ABCA5: variants seen among roughly 807,000 people sequenced by gnomAD.
The protein encoded by ABCA5 is ATP binding cassette subfamily A member 5.
Under a neutral mutation model 206.0 loss-of-function variants are expected in ABCA5, and 163 were observed. The observed-to-expected ratio is 0.79, with a 90% CI of 0.70 to 0.90. The LOEUF is 0.90. Among genes scored for constraint, ABCA5 ranks in the 40% least tolerant of loss-of-function variants. ABCA5 has a pLI of 0.00. For missense variants in ABCA5, 1,859 were observed against 1,912.9 expected (o/e 0.97, Z 0.53); for synonymous variants, 609 against 613.8 (o/e 0.99, Z 0.11).
rs572518604 is a variant in ABCA5, at chr17:69,279,180, C to G, written c.2393-1338G>C. 4.7e-3 allele frequency among the ~76,000 whole-genome samples: 716 copies of G among 152,312 alleles called. 9 individuals are homozygous for G. The highest frequency in any genetic ancestry group is 0.016 in the African/African-American group (659 of 41,574). On this transcript the variant is annotated intron_variant, in intron 18 of 38. Coordinates refer to ENST00000392676, the MANE Select transcript of ABCA5 (RefSeq NM_172232.4). Reference sequence around the variant, plus strand: ...ATCTCCTTCAGCTGATAGGCAACTTCAGCAAAGTCTCAGGATACAAAATCA... The same window carrying G: ...ATCTCCTTCAGCTGATAGGCAACTTGAGCAAAGTCTCAGGATACAAAATCA...
intron 10 of ABCA5, 30 bp from the exon 11 acceptor site, chr17:69,294,743 T>C (rs781432891): frequency 6.9e-7 from 1 of 1,441,308 alleles, no homozygotes; most frequent in Non-Finnish European, 9.6e-7. Flanking sequence ...ATTTTAAGTA[T>C]TTAAAGCAAT....
At chr17:69,320,188 GGAACAAGAGAAAGAT>G (rs2075851440) in intron 1 of ABCA5, among the ~76,000 whole-genome samples, 1 of 151,818 alleles carries the variant, frequency 6.6e-6, no homozygotes, top group Admixed American at 6.6e-5. Context: ...TCATATTCTT[GGAACAAGAGAAAGAT>G]AATTAAGAAA....
Position 69,314,402 on chromosome 17 carries a change from A to G in ABCA5, c.14T>C (p.Ile5Thr). The G allele has an allele frequency of 6.2e-7, 1 of 1,610,278 alleles. No homozygotes were observed. The highest frequency in any genetic ancestry group is 2.2e-5 in the East Asian group (1 of 44,784). Residue 5 changes from isoleucine to threonine, a missense_variant, in exon 2 of 39, where the codon ATT becomes ACT. Ile to Thr is a moderately conservative substitution (Grantham distance 89). Transcript: ENST00000392676. ...CTGTCTCCAAACTCCTACCTCCCTA[A>G]TTGCAGTGGACATGTTTTCTGAATA... MSTAIREVGVWRQTR... is the reference protein window; with the variant it reads MSTATREVGVWRQTR...
Position 69,250,542 on chromosome 17 carries a change from C to T in ABCA5, c.4615G>A (p.Glu1539Lys). 1 of 1,603,318 alleles carries T rather than the reference C, an allele frequency of 6.2e-7. No individual in the cohort carries two copies. Among genetic ancestry groups the T allele is most frequent in the South Asian group, 1.1e-5 (1 of 88,878 alleles). ...FLEIKLKDWI[E>K]NLEVDRLQRE... The stretch of plus-strand genomic sequence containing the variant: ...TGAAGGCGGTCTACTTCTAGGTTTT[C>T]TATCCAGTCCTTCAATTTAATTTCC... Residue 1539 changes from glutamate (E) to lysine (K), a missense_variant, in exon 36 of 39, where the codon GAA becomes AAA. Physicochemically the swap from Glu to Lys is moderately conservative, Grantham distance 56. Coordinates refer to ENST00000392676, the MANE Select transcript of ABCA5 (RefSeq NM_172232.4).
chr17:69,305,414 G>T (rs1295252097), intron 6 of ABCA5, among the ~76,000 whole-genome samples: 2 of 152,154 alleles, frequency 1.3e-5, no homozygotes, highest in Non-Finnish European at 2.9e-5. Context: ...ATTTAATGAT[G>T]TCATGAAATC....
At position 69,307,010 on chromosome 17, in the gene ABCA5, A is replaced by G. The variant is rs2145026165; in HGVS notation, c.559-56T>C. On this transcript the variant is annotated intron_variant, in intron 5 of 38. Transcript: ENST00000392676. ...TAATTTAGTTATGATAGCAGCCCCTAGTAAAACGGGACAGCTATATCCCTA... is the reference window on the plus strand; with the variant it reads ...TAATTTAGTTATGATAGCAGCCCCTGGTAAAACGGGACAGCTATATCCCTA... 3 of 1,278,246 alleles carry G rather than the reference A, an allele frequency of 2.3e-6. No homozygotes were observed. In the East Asian group the frequency reaches 7.9e-5, roughly 34 times the overall value. The allele number at this position is 1,278,246 out of a possible 1,614,324, so 79.2% of individuals were successfully genotyped here.
At chr17:69,313,760 C>T (rs941487409) in intron 2 of ABCA5, among the ~76,000 whole-genome samples, 9 of 152,062 alleles carry the variant, frequency 5.9e-5, no homozygotes, top group African/African-American at 1.4e-4. Flanking sequence ...ATTCTACGGT[C>T]AGTTTTAGTA....
At chr17:69,262,324 T>A (rs2075157561) in intron 24 of ABCA5, among the ~76,000 whole-genome samples, 1 of 152,140 alleles carries the variant, frequency 6.6e-6, no homozygotes, top group Non-Finnish European at 1.5e-5. Context: ...TATAATTCAT[T>A]CTGTCACCTA....
chr17:69,265,151 C>T (rs1180965971), intron 23 of ABCA5, among the ~76,000 whole-genome samples: 1 of 152,008 alleles, frequency 6.6e-6, no homozygotes, highest in Non-Finnish European at 1.5e-5. Flanking sequence ...TACAGTAGTG[C>T]TGCCAAGAAA....
Position 69,261,151 on chromosome 17 carries a change from G to T in ABCA5, c.3538C>A (p.Leu1180Ile). Residue 1180 changes from leucine (L) to isoleucine (I), a missense_variant, in exon 26 of 39, where the codon CTA becomes ATA. Coordinates refer to ENST00000392676, the MANE Select transcript of ABCA5 (RefSeq NM_172232.4). ...FCIIIPIYPL[L>I]GCLISFIKIS... ...TTTATGAAAGAAATCAGGCAACCTA[G>T]AAGTGGATAGATTGGAATGATGATA... 6.3e-7 allele frequency: 1 copy of T among 1,595,690 alleles called. No homozygotes were observed. The highest frequency in any genetic ancestry group is 8.6e-7 in the Non-Finnish European group (1 of 1,169,568).
rs193302469 is a variant in ABCA5, at chr17:69,297,767, G to A, written c.1268-408C>T. Among the ~76,000 whole-genome samples, 45 of 152,280 alleles carry A rather than the reference G, an allele frequency of 3.0e-4. No individual in the cohort carries two copies. In the East Asian group the frequency reaches 3.7e-3, roughly 12 times the overall value. On this transcript the variant is annotated intron_variant, in intron 9 of 38. Transcript: ENST00000392676. ...GCTGAATGTGTTGAAGACTTGAATGGGCACCATCTTAAATGATCTTTGAAA... is the reference window on the plus strand; with the variant it reads ...GCTGAATGTGTTGAAGACTTGAATGAGCACCATCTTAAATGATCTTTGAAA...
intron 6 of ABCA5, among the ~76,000 whole-genome samples, chr17:69,305,745 C>T (rs1004401530): frequency 6.6e-6 from 1 of 152,014 alleles, no homozygotes; most frequent in African/African-American, 2.4e-5. Context: ...ACAGCATGCA[C>T]CTGTAGTCCC....
chr17:69,263,352 T>TA (rs1491183868), intron 24 of ABCA5, among the ~76,000 whole-genome samples: 8 of 152,218 alleles, frequency 5.3e-5, no homozygotes, highest in African/African-American at 1.9e-4. Flanking sequence ...GTAGAATTCT[T>TA]ATAGTTGATG....
At chr17:69,270,942 C>A (rs1411428205) in intron 21 of ABCA5, among the ~76,000 whole-genome samples, 192 bp from the exon 22 acceptor site, 1 of 151,014 alleles carries the variant, frequency 6.6e-6, no homozygotes, top group Non-Finnish European at 1.5e-5. Context: ...ATATTTTAAA[C>A]AAGCATATAA....
At chr17:69,303,626 G>GA (rs1156412053) in intron 7 of ABCA5, among the ~76,000 whole-genome samples, 43 of 132,266 alleles carry the variant, frequency 3.3e-4, no homozygotes, top group Middle Eastern at 3.7e-3. Context: ...AGTTTAAAAA[G>GA]AAAAAAAAAA....
At chr17:69,266,885 A>T (rs1358583643) in intron 23 of ABCA5, among the ~76,000 whole-genome samples, 2 of 151,054 alleles carry the variant, frequency 1.3e-5, no homozygotes, top group Non-Finnish European at 3.0e-5. Context: ...TTATTTATTT[A>T]TTTTTGAGAT....
At chr17:69,276,131 G>A (rs1242536254) in intron 19 of ABCA5, among the ~76,000 whole-genome samples, 1 of 152,116 alleles carries the variant, frequency 6.6e-6, no homozygotes. Flanking sequence ...TCTGTTGCCA[G>A]GCTGGAGTGC....
intron 18 of ABCA5, among the ~76,000 whole-genome samples, chr17:69,280,527 T>C (rs532749132): frequency 3.0e-4 from 45 of 151,302 alleles, no homozygotes; most frequent in African/African-American, 9.7e-4. Flanking sequence ...AGCCATCCCA[T>C]TACTGGGTAT....
At chr17:69,310,197 C>T (rs1256066119) in intron 3 of ABCA5, among the ~76,000 whole-genome samples, 1 of 152,138 alleles carries the variant, frequency 6.6e-6, no homozygotes, top group African/African-American at 2.4e-5. Flanking sequence ...ACCCAGCCTG[C>T]AGTGCACTGG....
Sources: allele counts gnomAD v4.1 joint callset (sites outside exome capture counted in the v4.1 genomes callset), GRCh38; gene constraint gnomAD v4.1.1; transcripts MANE v1.5; gene names NCBI Gene and HGNC (gene_info 2026-07-23, HGNC 2026-07-21).